STK32B: variants seen among roughly 807,000 people sequenced by gnomAD.
The protein encoded by STK32B is serine/threonine-protein kinase 32B.
In STK32B, 43 loss-of-function variants were observed where a neutral mutation model predicts 52.6. The observed-to-expected ratio is 0.82, with a 90% CI of 0.64 to 1.05. The LOEUF (loss-of-function observed/expected upper bound fraction) is 1.05, where lower values mean the gene tolerates loss of function less well. Ranked by LOEUF, STK32B falls within the 50% of genes least tolerant of loss-of-function variation. The pLI, the probability that STK32B is intolerant of heterozygous loss-of-function variation, is 0.00. For missense variants in STK32B, 621 were observed against 534.6 expected (o/e 1.16, Z -1.59); for synonymous variants, 238 against 204.3 (o/e 1.17, Z -1.41).
chr4:5,422,949 C>G (rs908219934), intron 6 of STK32B, among the ~76,000 whole-genome samples: 1 of 152,140 alleles, frequency 6.6e-6, no homozygotes, highest in Non-Finnish European at 1.5e-5. Context: ...CATACAAAGG[C>G]ATTGGGGAGT....
chr4:5,319,302 C>T (rs1397065771), intron 3 of STK32B, among the ~76,000 whole-genome samples: 2 of 152,168 alleles, frequency 1.3e-5, no homozygotes, highest in African/African-American at 2.4e-5. Context: ...TTTGTGTGCT[C>T]TCCTGAATAG....
intron 1 of STK32B, among the ~76,000 whole-genome samples, chr4:5,054,342 C>A (rs1431318179): frequency 7.2e-5 from 11 of 152,006 alleles, no homozygotes; most frequent in Non-Finnish European, 1.5e-5. Context: ...GGGTCCCTAA[C>A]TCAGAGTGGG....
At chr4:5,316,619 TTATATATATAATATATAATATATTA>T (rs1730815446) in intron 3 of STK32B, among the ~76,000 whole-genome samples, 1 of 14,916 alleles carries the variant, frequency 6.7e-5, no homozygotes, top group Non-Finnish European at 8.9e-5. Context: ...ATATTATATA[TTATATATATAATATATAATATATTA>T]TATATATAAT....
intron 2 of STK32B, among the ~76,000 whole-genome samples, chr4:5,158,885 C>T (rs985807667): frequency 2.6e-5 from 4 of 152,164 alleles, no homozygotes; most frequent in Non-Finnish European, 4.4e-5. Context: ...CAAATACAGT[C>T]GCATCCTGAG....
chr4:5,339,498 G>C (rs1342478507), intron 4 of STK32B, among the ~76,000 whole-genome samples: 3 of 152,088 alleles, frequency 2.0e-5, no homozygotes, highest in Non-Finnish European at 4.4e-5. Context: ...CATGTGTAAG[G>C]ATGTATGGAA....
At chr4:5,117,045 A>G (rs1195920600) in intron 1 of STK32B, among the ~76,000 whole-genome samples, 1 of 152,168 alleles carries the variant, frequency 6.6e-6, no homozygotes, top group Non-Finnish European at 1.5e-5. Flanking sequence ...GTCTTTTTAG[A>G]GTCTTTAGAA....
chr4:5,164,809 C>G (rs1363254325), intron 2 of STK32B, among the ~76,000 whole-genome samples: 1 of 152,214 alleles, frequency 6.6e-6, no homozygotes, highest in Non-Finnish European at 1.5e-5. Flanking sequence ...CTCTGTGACT[C>G]CCTGGAAGAC....
At chr4:5,403,385 C>T (rs140456391) in intron 5 of STK32B, among the ~76,000 whole-genome samples, 1 of 152,292 alleles carries the variant, frequency 6.6e-6, no homozygotes, top group Non-Finnish European at 1.5e-5. Context: ...CTCACCCATT[C>T]CTTCCCATGG....
intron 3 of STK32B, among the ~76,000 whole-genome samples, chr4:5,250,094 G>A (rs753218729): frequency 6.6e-6 from 1 of 152,068 alleles, no homozygotes; most frequent in Non-Finnish European, 1.5e-5. Context: ...ATCTCATTCA[G>A]TTTTATGGTG....
intron 3 of STK32B, among the ~76,000 whole-genome samples, chr4:5,311,914 A>ATATATTTT (rs143725868): frequency 6.9e-6 from 1 of 145,410 alleles, no homozygotes; most frequent in African/African-American, 2.6e-5. Context: ...ATATATATAT[A>ATATATTTT]TTTTTTTTTA....
At chr4:5,077,946 T>A (rs1712179205) in intron 1 of STK32B, among the ~76,000 whole-genome samples, 1 of 152,134 alleles carries the variant, frequency 6.6e-6, no homozygotes, top group South Asian at 2.1e-4. Flanking sequence ...CAGAAGGAAG[T>A]GGCCCAGGGT....
chr4:5,065,281 A>G (rs1399071010), intron 1 of STK32B, among the ~76,000 whole-genome samples: 24 of 152,222 alleles, frequency 1.6e-4, no homozygotes, highest in Non-Finnish European at 3.4e-4. Flanking sequence ...GTATAGAAGC[A>G]GCAACTTCAG....
intron 5 of STK32B, among the ~76,000 whole-genome samples, chr4:5,408,220 C>A (rs1239574429): frequency 6.6e-6 from 1 of 152,134 alleles, no homozygotes; most frequent in African/African-American, 2.4e-5. Flanking sequence ...TGGTTTGGAT[C>A]TGTGTCTTCC....
intron 7 of STK32B, among the ~76,000 whole-genome samples, chr4:5,450,094 A>G (rs528686497): frequency 6.6e-6 from 1 of 152,274 alleles, no homozygotes; most frequent in Non-Finnish European, 1.5e-5. Flanking sequence ...GATGCAGAGA[A>G]CCCTGTGCTT....
At chr4:5,425,272 T>A (rs1712995611) in intron 6 of STK32B, among the ~76,000 whole-genome samples, 1 of 152,108 alleles carries the variant, frequency 6.6e-6, no homozygotes, top group African/African-American at 2.4e-5. Flanking sequence ...CCACAGAAAT[T>A]TCTGGTTGGT....
At chr4:5,335,879 G>C (rs979730898) in intron 4 of STK32B, among the ~76,000 whole-genome samples, 1 of 151,686 alleles carries the variant, frequency 6.6e-6, no homozygotes, top group Non-Finnish European at 1.5e-5. Flanking sequence ...TACATTTGCT[G>C]AGGAGAGCTT....
At chr4:5,402,092 G>C (rs746935628) in intron 5 of STK32B, among the ~76,000 whole-genome samples, 8 of 152,246 alleles carry the variant, frequency 5.3e-5, no homozygotes, top group Non-Finnish European at 1.0e-4. Flanking sequence ...AGGAGCAAGA[G>C]CAGGAGAGCC....
Position 5,051,759 on chromosome 4 carries a change from C to A in STK32B, c.-105C>A, listed in dbSNP as rs951956771. ...CTCGGGCTCCGCGCGCGGCTACAAC[C>A]CGGACTGGGCGCGCCCCCGGCATCC... is the stretch of plus-strand genomic sequence containing the variant. On this transcript the variant is annotated 5_prime_UTR_variant, in exon 1 of 12. Coordinates refer to ENST00000282908, the MANE Select transcript of STK32B (RefSeq NM_018401.3). The A allele has an allele frequency of 1.3e-5, 20 of 1,501,544 alleles. No homozygotes were observed. The highest frequency in any genetic ancestry group is 1.8e-4 in the Middle Eastern group (1 of 5,690). 93.0% of individuals were successfully genotyped at this position (1,501,544 alleles called of 1,614,324 possible). A position where few individuals can be genotyped will look rare whatever the true frequency, so the allele number is the denominator to read the frequency against.
At chr4:5,268,378 C>G (rs527528383) in intron 3 of STK32B, among the ~76,000 whole-genome samples, 1 of 152,248 alleles carries the variant, frequency 6.6e-6, no homozygotes, top group African/African-American at 2.4e-5. Context: ...CCGCTCTGCC[C>G]CAGGACCTTT....
Sources: allele counts gnomAD v4.1 joint callset (sites outside exome capture counted in the v4.1 genomes callset), GRCh38; gene constraint gnomAD v4.1.1; transcripts MANE v1.5; gene names NCBI Gene and HGNC (gene_info 2026-07-23, HGNC 2026-07-21).